Variants in CFAP57 observed in about 807,000 individuals in gnomAD.
CFAP57 encodes the protein cilia and flagella associated protein 57.
In CFAP57, 116 loss-of-function variants were observed where a neutral mutation model predicts 146.8. The ratio of observed to expected loss-of-function variants is 0.79; its 90% CI spans 0.68 to 0.92. CFAP57 has a LOEUF of 0.92. Among genes scored for constraint, CFAP57 ranks in the 40% least tolerant of loss-of-function variants. CFAP57 has a pLI of 0.00. For synonymous variants in CFAP57, 518 were observed against 552.8 expected, an observed-to-expected ratio of 0.94 and a Z score of 0.88; for missense variants, 1,377 against 1,527.2, an observed-to-expected ratio of 0.90 and a Z score of 1.64.
chr1:43,242,577 G>T (rs1386662952), intron 21 of CFAP57, among the ~76,000 whole-genome samples: 2 of 152,224 alleles, frequency 1.3e-5, no homozygotes, highest in Non-Finnish European at 2.9e-5. Flanking sequence ...TAAATAGCAT[G>T]CTGCTAAGGG....
chr1:43,209,928 C>A lies in CFAP57; in HGVS notation c.1929+12C>A. On this transcript the variant is annotated intron_variant, in intron 11 of 22. Transcript: ENST00000372492. ...GTCCTATCACCAAGGTGAGCAGGGC[C>A]CTCTCCCCAGGAACCCAGTCCCACA... is the stretch of plus-strand genomic sequence containing the variant. 1 of 1,614,168 alleles carries A rather than the reference C, an allele frequency of 6.2e-7. No homozygotes were observed. The highest frequency in any genetic ancestry group is 8.5e-7 in the Non-Finnish European group (1 of 1,180,002).
chr1:43,220,399 C>A (rs1262366165), intron 13 of CFAP57, among the ~76,000 whole-genome samples: 1 of 152,174 alleles, frequency 6.6e-6, no homozygotes, highest in Non-Finnish European at 1.5e-5. Flanking sequence ...CTCCCAGATT[C>A]TTTTCTTTGT....
intron 22 of CFAP57, among the ~76,000 whole-genome samples, 162 bp from the exon 23 acceptor site, chr1:43,253,815 G>A (rs1222383294): frequency 1.3e-5 from 2 of 152,076 alleles, no homozygotes; most frequent in Non-Finnish European, 2.9e-5. Flanking sequence ...ATCTCTCTGC[G>A]AGACAGCAAA....
At chr1:43,178,703 C>T (rs1188068728) in intron 2 of CFAP57, among the ~76,000 whole-genome samples, 2 of 152,162 alleles carry the variant, frequency 1.3e-5, no homozygotes, top group East Asian at 1.9e-4. Context: ...TAAACTAGTT[C>T]AAGCATTGTG....
chr1:43,185,171 A>G lies in CFAP57; in HGVS notation c.784A>G (p.Ser262Gly). 1 of 1,614,166 alleles carries G rather than the reference A, an allele frequency of 6.2e-7. No individual in the cohort carries two copies. The highest frequency in any genetic ancestry group is 8.5e-7 in the Non-Finnish European group (1 of 1,180,030). Residue 262 changes from serine to glycine, a missense_variant, in exon 5 of 23, where the codon AGT becomes GGT. Physicochemically the swap from Ser to Gly is moderately conservative, Grantham distance 56 (BLOSUM62 0). Coordinates refer to ENST00000372492, the MANE Select transcript of CFAP57 (RefSeq NM_001378189.1). ...CAGCCTGATTGAATTTCCACCAGTCAGTTCTCCACTCCCTTCCTATGAACA... is the reference window on the plus strand; with the variant it reads ...CAGCCTGATTGAATTTCCACCAGTCGGTTCTCCACTCCCTTCCTATGAACA... ...SESLIEFPPV[S>G]SPLPSYEQMV...
At chr1:43,244,993 G>A (rs1014975965) in intron 22 of CFAP57, among the ~76,000 whole-genome samples, 1 of 151,732 alleles carries the variant, frequency 6.6e-6, no homozygotes. Context: ...GCACAGATGT[G>A]AACAATTGCA....
chr1:43,232,167 G>A lies in CFAP57; in HGVS notation c.3010-341G>A, dbSNP rs771764204. 1.8e-5 allele frequency: 12 copies of A among 681,064 alleles called. 1 individual carries two copies. The South Asian group carries it at 1.9e-4, about 11-fold the overall frequency. 42.2% of individuals were successfully genotyped at this position (681,064 alleles called of 1,614,324 possible). A position where few individuals can be genotyped will look rare whatever the true frequency, so the allele number is the denominator to read the frequency against. On this transcript the variant is annotated intron_variant, in intron 18 of 22. Transcript: ENST00000372492. The stretch of plus-strand genomic sequence containing the variant: ...TTCTCTGGGGAACCCTGCCTCAGGT[G>A]AGAGTTGAGGTTCTAGTGCTTGGGT...
intron 2 of CFAP57, among the ~76,000 whole-genome samples, chr1:43,180,249 T>TATAC (rs1252688559): frequency 9.7e-5 from 14 of 144,332 alleles, no homozygotes; most frequent in East Asian, 6.0e-4. Flanking sequence ...AAAATATATA[T>TATAC]ACACACATAT....
At chr1:43,186,955 G>A (rs1643169182) in intron 6 of CFAP57, 96 bp downstream of exon 6, 6 of 1,464,146 alleles carry the variant, frequency 4.1e-6, no homozygotes, top group Non-Finnish European at 5.7e-6. Context: ...AAATAAGTTA[G>A]CATAAACTCA....
intron 22 of CFAP57, 136 bp downstream of exon 22, chr1:43,243,495 C>T (rs1646004155): frequency 4.4e-6 from 4 of 914,138 alleles, no homozygotes; most frequent in East Asian, 3.0e-5. Context: ...GTCCGGGGCA[C>T]ACACCTGCTC....
At chr1:43,252,358 C>T (rs1166357448) in intron 22 of CFAP57, among the ~76,000 whole-genome samples, 1 of 152,038 alleles carries the variant, frequency 6.6e-6, no homozygotes, top group African/African-American at 2.4e-5. Flanking sequence ...AACCAAAAGT[C>T]CCTACTCAGA....
At position 43,183,727 on chromosome 1, in the gene CFAP57, C is replaced by T. The variant is rs765568702; in HGVS notation, c.611C>T (p.Thr204Ile). Residue 204 changes from threonine (T) to isoleucine (I), a missense_variant, in exon 4 of 23, where the codon ACC (threonine) becomes ATC (isoleucine). Transcript: ENST00000372492. ...RGEPQNYLAH[T>I]WVADDKIVVG... ...GAACCCCAAAACTATCTAGCTCACA[C>T]CTGGGTGGCTGATGACAAGATTGTC... 1.1e-5 allele frequency: 18 copies of T among 1,614,048 alleles called. No homozygotes were observed. Among genetic ancestry groups the T allele is most frequent in the East Asian group, 4.5e-5 (2 of 44,896 alleles).
At chr1:43,219,874 A>T (rs1570184858) in intron 13 of CFAP57, among the ~76,000 whole-genome samples, 1 of 152,190 alleles carries the variant, frequency 6.6e-6, no homozygotes, top group Non-Finnish European at 1.5e-5. Flanking sequence ...CATGAGAATC[A>T]TCTGAACCTG....
At position 43,209,897 on chromosome 1, in the gene CFAP57, A is replaced by C; in HGVS notation, c.1910A>C (p.His637Pro). Residue 637 changes from histidine (H) to proline (P), a missense_variant, in exon 11 of 23, where the codon CAT becomes CCT. Transcript: ENST00000372492. ...AAGGAATTCAATGAGTACCAGGCCC[A>C]TGCCGGTCCTATCACCAAGGTGAGC... ...LQKEFNEYQA[H>P]AGPITKMLLT... is the part of the protein sequence containing the mutation. 2 of 1,614,252 alleles carry C rather than the reference A, an allele frequency of 1.2e-6. No individual in the cohort carries two copies. Among genetic ancestry groups the C allele is most frequent in the East Asian group, 2.2e-5 (1 of 44,884 alleles).
chr1:43,190,942 T>C (rs981779992), intron 6 of CFAP57, among the ~76,000 whole-genome samples: 3 of 152,172 alleles, frequency 2.0e-5, no homozygotes, highest in Non-Finnish European at 4.4e-5. Flanking sequence ...GTAGTTTTCT[T>C]GTGATGTCTT....
intron 21 of CFAP57, among the ~76,000 whole-genome samples, chr1:43,237,471 C>T (rs188034023): frequency 2.4e-4 from 36 of 152,306 alleles, no homozygotes; most frequent in Admixed American, 3.3e-4. Flanking sequence ...AGGAGTTAAT[C>T]ATTGGGAACC....
chr1:43,191,519 A>G (rs560879505), intron 6 of CFAP57, among the ~76,000 whole-genome samples: 13 of 147,610 alleles, frequency 8.8e-5, no homozygotes, highest in Non-Finnish European at 1.3e-4. Flanking sequence ...CCCGGGAAGC[A>G]GGGCTTGCAG....
rs927288271 is a variant in CFAP57, at chr1:43,215,421, G to C, written c.2091+5G>C. On this transcript the variant is annotated splice_donor_5th_base_variant and intron_variant, in intron 12 of 22. Transcript: ENST00000372492. Reference sequence around the variant, plus strand: ...AAAACAGACATGGAAGAAAAGGTAAGAACTGGATCTAATGAAGAGGGATAT... The same window carrying C: ...AAAACAGACATGGAAGAAAAGGTAACAACTGGATCTAATGAAGAGGGATAT... 1.9e-5 allele frequency: 30 copies of C among 1,549,816 alleles called. No individual in the cohort carries two copies. Among genetic ancestry groups the C allele is most frequent in the Middle Eastern group, 1.7e-4 (1 of 6,016 alleles).
intron 18 of CFAP57, among the ~76,000 whole-genome samples, chr1:43,231,409 A>T (rs1355907204): frequency 6.6e-6 from 1 of 152,162 alleles, no homozygotes. Context: ...CCTCCCTCTT[A>T]TCAGAAATAC....
Sources: allele counts gnomAD v4.1 joint callset (sites outside exome capture counted in the v4.1 genomes callset), GRCh38; gene constraint gnomAD v4.1.1; transcripts MANE v1.5; gene names NCBI Gene and HGNC (gene_info 2026-07-23, HGNC 2026-07-21).